AUTS2: variants seen among roughly 807,000 people sequenced by gnomAD.
AUTS2 encodes the protein autism susceptibility gene 2 protein.
AUTS2 carries 17 observed loss-of-function variants against 112.4 expected under a neutral mutation model. The ratio of observed to expected loss-of-function variants is 0.15; its 90% CI spans 0.10 to 0.23. AUTS2 has a LOEUF of 0.23. AUTS2 is among the 10% of genes least tolerant of loss of function. The probability of loss-of-function intolerance (pLI) is 1.00; values close to 1 mark genes in which losing one functional copy is unlikely to be tolerated. For synonymous variants in AUTS2, 751 were observed against 702.7 expected, an observed-to-expected ratio of 1.07 and a Z score of -1.09; for missense variants, 1,510 against 1,701.6, an observed-to-expected ratio of 0.89 and a Z score of 1.98.
At chr7:70,147,221 TAAA>T (rs894476526) in intron 4 of AUTS2, among the ~76,000 whole-genome samples, 2 of 141,550 alleles carry the variant, frequency 1.4e-5, no homozygotes, top group African/African-American at 2.6e-5. Context: ...CAATATCTCT[TAAA>T]AAAAAAAAAA....
At chr7:69,758,825 C>T (rs1420002388) in intron 1 of AUTS2, among the ~76,000 whole-genome samples, 5 of 152,104 alleles carry the variant, frequency 3.3e-5, no homozygotes, top group Non-Finnish European at 7.4e-5. Flanking sequence ...TTTGTGTGCC[C>T]TCTAGTAAGA....
At chr7:69,727,733 T>C (rs992877207) in intron 1 of AUTS2, among the ~76,000 whole-genome samples, 2 of 152,268 alleles carry the variant, frequency 1.3e-5, no homozygotes, top group Non-Finnish European at 2.9e-5. Context: ...TCTAGCTTTA[T>C]AGTAAGTCTT....
chr7:70,576,984 T>G (rs1336830626), intron 5 of AUTS2, among the ~76,000 whole-genome samples: 1 of 152,152 alleles, frequency 6.6e-6, no homozygotes, highest in Admixed American at 6.5e-5. Context: ...GAACCAGAGT[T>G]AGCCTTTCTG....
chr7:69,937,515 G>A (rs1420242386), intron 2 of AUTS2, among the ~76,000 whole-genome samples: 1 of 152,056 alleles, frequency 6.6e-6, no homozygotes, highest in Non-Finnish European at 1.5e-5. Context: ...CTAGATCATA[G>A]TTTACCTAAT....
chr7:70,240,164 G>A (rs779096152), intron 4 of AUTS2, among the ~76,000 whole-genome samples: 50 of 152,160 alleles, frequency 3.3e-4, no homozygotes, highest in Non-Finnish European at 4.0e-4. Flanking sequence ...AGCACAGGTG[G>A]TAGGCTATAG....
In AUTS2 at chr7:70,572,584, T is replaced by G. The variant is rs75678738; in HGVS notation, c.691-125985T>G. Reference sequence around the variant, plus strand: ...TTGAGACAGCTTTCATTATGCATGTTCCAGGCCTCATTATGGAATAAGCAG... The same window carrying G: ...TTGAGACAGCTTTCATTATGCATGTGCCAGGCCTCATTATGGAATAAGCAG... On this transcript the variant is annotated intron_variant, in intron 5 of 18. Coordinates refer to ENST00000342771, the MANE Select transcript of AUTS2 (RefSeq NM_015570.4). 8.1e-3 allele frequency among the ~76,000 whole-genome samples: 1,229 copies of G among 152,284 alleles called. 15 individuals carry two copies. The highest frequency in any genetic ancestry group is 0.013 in the Non-Finnish European group (904 of 68,028).
intron 1 of AUTS2, among the ~76,000 whole-genome samples, chr7:69,742,076 A>G (rs1255955706): frequency 6.8e-6 from 1 of 147,294 alleles, no homozygotes; most frequent in Non-Finnish European, 1.5e-5. Flanking sequence ...TGCTGGGATT[A>G]TAGGCATAAG....
At chr7:70,455,631 A>G (rs961546680) in intron 5 of AUTS2, among the ~76,000 whole-genome samples, 1 of 152,126 alleles carries the variant, frequency 6.6e-6, no homozygotes, top group African/African-American at 2.4e-5. Flanking sequence ...CCGATTCAGA[A>G]GTTTCTTAGG....
intron 2 of AUTS2, among the ~76,000 whole-genome samples, chr7:69,996,028 C>T (rs1053075161): frequency 2.0e-5 from 3 of 152,164 alleles, no homozygotes; most frequent in Non-Finnish European, 4.4e-5. Context: ...CTTCTTTCAC[C>T]GTGAGGAATG....
intron 1 of AUTS2, among the ~76,000 whole-genome samples, chr7:69,819,452 T>G (rs1320097734): frequency 6.6e-6 from 1 of 152,180 alleles, no homozygotes; most frequent in Non-Finnish European, 1.5e-5. Context: ...TTTAGGCACT[T>G]TGTCAACCTC....
Position 70,191,201 on chromosome 7 carries a change from T to G in AUTS2, c.660+56630T>G, listed in dbSNP as rs1414619533. On this transcript the variant is annotated intron_variant, in intron 4 of 18. Transcript: ENST00000342771. ...TTTTTTTTTTTGAGACAGAGTCTCC[T>G]CTGTTGCCCAGGCTGGAGTGCAGTG... 2.2e-5 allele frequency among the ~76,000 whole-genome samples: 3 copies of G among 137,900 alleles called. No homozygotes were observed. The East Asian group carries it at 6.8e-4, about 31-fold the overall frequency. The allele number at this position is 137,900 out of a possible 152,430, so 90.5% of individuals were successfully genotyped here.
chr7:70,224,369 CAAT>C (rs1811651105), intron 4 of AUTS2, among the ~76,000 whole-genome samples: 2 of 148,094 alleles, frequency 1.4e-5, no homozygotes, highest in African/African-American at 2.4e-5. Context: ...CAATACAATA[CAAT>C]ACAATACAAT....
chr7:69,621,375 A>AC (rs1793652603), intron 1 of AUTS2, among the ~76,000 whole-genome samples: 1 of 88,812 alleles, frequency 1.1e-5, no homozygotes, highest in Non-Finnish European at 2.3e-5. Flanking sequence ...TACCCAACCC[A>AC]CCCCACCCCT....
chr7:70,701,512 A>G (rs1809458869), intron 6 of AUTS2, among the ~76,000 whole-genome samples: 1 of 152,218 alleles, frequency 6.6e-6, no homozygotes, highest in East Asian at 1.9e-4. Context: ...ACGTTTGTTC[A>G]TCGATTTTAT....
At chr7:70,397,126 C>T (rs915873452) in intron 4 of AUTS2, among the ~76,000 whole-genome samples, 24 of 151,684 alleles carry the variant, frequency 1.6e-4, no homozygotes, top group Admixed American at 3.3e-4. Context: ...CTCAATGGCA[C>T]GATCTCGGCT....
At position 70,485,411 on chromosome 7, in the gene AUTS2, G is replaced by A. The variant is rs1367737126; in HGVS notation, c.690+49630G>A. ...CGTATGTTCTTACCTATAAGTGGGA[G>A]CTAAGCTATGAGGATGCAAAGGCCT... On this transcript the variant is annotated intron_variant, in intron 5 of 18. Transcript: ENST00000342771. Among the ~76,000 whole-genome samples, 4 of 152,226 alleles carry A rather than the reference G, an allele frequency of 2.6e-5. No homozygotes were observed. The East Asian group carries it at 7.7e-4, about 29-fold the overall frequency.
At chr7:69,602,040 A>ATATGTGTG (rs1474403063) in intron 1 of AUTS2, among the ~76,000 whole-genome samples, 29 of 46,230 alleles carry the variant, frequency 6.3e-4, no homozygotes, top group Non-Finnish European at 1.2e-3. Context: ...ATATATATAT[A>ATATGTGTG]TGTGTGTGTG....
chr7:70,246,271 AG>A (rs946599028), intron 4 of AUTS2, among the ~76,000 whole-genome samples: 5 of 152,064 alleles, frequency 3.3e-5, no homozygotes, highest in African/African-American at 9.7e-5. Context: ...CCCTACTCTG[AG>A]GTCATAAAAG....
chr7:70,773,754 G>C (rs1790510916), intron 11 of AUTS2, among the ~76,000 whole-genome samples: 1 of 152,220 alleles, frequency 6.6e-6, no homozygotes, highest in South Asian at 2.1e-4. Context: ...ATTTACGTTT[G>C]TTGCTTCTCT....
Sources: gnomAD v4.1 joint callset for allele counts (sites outside exome capture counted in the v4.1 genomes callset) on GRCh38, gnomAD v4.1.1 for gene constraint, MANE v1.5 for transcripts, NCBI Gene and HGNC (gene_info 2026-07-23, HGNC 2026-07-21) for gene names.